ZYG11A: variants seen among roughly 807,000 people sequenced by gnomAD.
ZYG11A encodes the protein protein zyg-11 homolog A.
A neutral mutation model predicts 77.2 loss-of-function variants in ZYG11A; 62 were observed. The ratio of observed to expected loss-of-function variants is 0.80; its 90% CI spans 0.65 to 0.99. The LOEUF is 0.99. Ranked by LOEUF, ZYG11A falls within the 50% of genes least tolerant of loss-of-function variation. The pLI is 0.00. For synonymous variants in ZYG11A, 315 were observed against 324.6 expected (o/e 0.97, Z 0.32); for missense variants, 828 against 896.8 (o/e 0.92, Z 0.98).
chr1:52,871,128 A>C (rs1238834723), intron 8 of ZYG11A, among the ~76,000 whole-genome samples: 3 of 152,130 alleles, frequency 2.0e-5, no homozygotes, highest in Non-Finnish European at 4.4e-5. Flanking sequence ...GTATTTTTAA[A>C]AAATTCTTTG....
chr1:52,889,926 G>A (rs956961876), intron 13 of ZYG11A, among the ~76,000 whole-genome samples: 2 of 151,536 alleles, frequency 1.3e-5, no homozygotes, highest in Non-Finnish European at 2.9e-5. Flanking sequence ...TGTTAGCCAG[G>A]ATGGTCTCGA....
intron 10 of ZYG11A, chr1:52,881,252 C>T (rs1646357027): frequency 4.8e-6 from 2 of 414,746 alleles, no homozygotes; most frequent in Admixed American, 4.0e-5. Context: ...TAGTACTGTG[C>T]CTGGCACTTA....
chr1:52,889,718 T>G (rs199946165), intron 13 of ZYG11A, among the ~76,000 whole-genome samples: 1 of 150,056 alleles, frequency 6.7e-6, no homozygotes. Context: ...ATACCATTTT[T>G]TTTTTTTTTT....
chr1:52,890,264 T>TC (rs1404669991), intron 13 of ZYG11A, among the ~76,000 whole-genome samples: 1 of 140,128 alleles, frequency 7.1e-6, no homozygotes, highest in Non-Finnish European at 1.5e-5. Context: ...TTTTTTTTTT[T>TC]TTTTTTTTTG....
intron 8 of ZYG11A, among the ~76,000 whole-genome samples, chr1:52,874,759 C>T (rs1325116376): frequency 6.6e-6 from 1 of 151,952 alleles, no homozygotes; most frequent in Non-Finnish European, 1.5e-5. Flanking sequence ...CTCAGCTACT[C>T]GGGAGGCTGA....
intron 8 of ZYG11A, among the ~76,000 whole-genome samples, chr1:52,869,212 A>AT (rs34681867): frequency 0.49 from 35,942 of 73,612 alleles, 9,326 homozygotes; most frequent in Non-Finnish European, 0.57. Context: ...ACTTTATAGG[A>AT]TTTTTTTTTT....
At chr1:52,886,057 C>T (rs564800855) in intron 12 of ZYG11A, among the ~76,000 whole-genome samples, 163 bp downstream of exon 12, 159 of 152,208 alleles carry the variant, frequency 1.0e-3, no homozygotes, top group African/African-American at 3.5e-3. Context: ...CTCAGCCTCC[C>T]GAGTAGCTGG....
In ZYG11A at chr1:52,866,036, C is replaced by A. The variant is rs1407196562; in HGVS notation, c.1327-467C>A. ...CACTGCAAGCTCCGCCTCCCGGGTT[C>A]ATGCCATTCTCCTGCCTCAGCCTCC... On this transcript the variant is annotated intron_variant, in intron 5 of 13. Transcript: ENST00000371528. 7.5e-5 allele frequency among the ~76,000 whole-genome samples: 11 copies of A among 147,062 alleles called. No homozygotes were observed. In the Admixed American group the frequency reaches 7.7e-4, roughly 10 times the overall value.
intron 5 of ZYG11A, 70 bp downstream of exon 5, chr1:52,864,227 C>A: frequency 7.0e-7 from 1 of 1,432,282 alleles, no homozygotes. Context: ...GTTGCCCAGG[C>A]CAGAGTGCCG....
At chr1:52,867,683 A>G (rs1200557398) in intron 7 of ZYG11A, 44 bp from the exon 8 acceptor site, 4 of 1,550,860 alleles carry the variant, frequency 2.6e-6, no homozygotes, top group Middle Eastern at 1.7e-4. Flanking sequence ...TCTAGTTTTT[A>G]TACAGGTTCC....
In ZYG11A at chr1:52,872,527, C is replaced by T. The variant is rs1267824580; in HGVS notation, c.1542+4750C>T. ...GTTATACGATATCCATTCTGCAGCCCATAGATCAGGGAGTAATTTATTAAT... is the reference window on the plus strand; with the variant it reads ...GTTATACGATATCCATTCTGCAGCCTATAGATCAGGGAGTAATTTATTAAT... On this transcript the variant is annotated intron_variant, in intron 8 of 13. Coordinates refer to ENST00000371528, the MANE Select transcript of ZYG11A (RefSeq NM_001004339.3). Among the ~76,000 whole-genome samples the T allele has an allele frequency of 5.3e-5, 8 of 151,794 alleles. No homozygotes were observed. The East Asian group carries it at 1.5e-3, about 29-fold the overall frequency.
In ZYG11A at chr1:52,857,218, G is replaced by A; in HGVS notation, c.477G>A (p.Gln159=). The change falls in exon 3 of 14, where the codon CAG becomes CAA. Residue 159 remains glutamine, a synonymous_variant. Transcript: ENST00000371528. ...ATAGGTGGATCCAGCAAAACCTCCA[G>A]TGTCTCCTGTTAGACTCGACAAGCA... ...CSNRWIQQNL[Q]CLLLDSTSIP... is the part of the protein sequence containing the mutation. The A allele has an allele frequency of 6.4e-7, 1 of 1,552,228 alleles. No homozygotes were observed. The highest frequency in any genetic ancestry group is 8.7e-7 in the Non-Finnish European group (1 of 1,147,132).
intron 8 of ZYG11A, among the ~76,000 whole-genome samples, chr1:52,871,354 C>T (rs773454964): frequency 1.3e-5 from 2 of 151,878 alleles, no homozygotes; most frequent in Non-Finnish European, 2.9e-5. Context: ...GATGTTGGGT[C>T]GTTCAAGTTT....
Position 52,894,192 on chromosome 1 carries a change from G to A in ZYG11A, c.*1235G>A, listed in dbSNP as rs1296780106. The A allele has an allele frequency of 1.3e-5, 2 of 152,148 alleles. No individual in the cohort carries two copies. The highest frequency in any genetic ancestry group is 2.4e-5 in the African/African-American group (1 of 41,426). The allele number at this position is 152,148 out of a possible 1,614,324, so 9.4% of individuals were successfully genotyped here. On this transcript the variant is annotated 3_prime_UTR_variant, in exon 14 of 14. Coordinates refer to ENST00000371528, the MANE Select transcript of ZYG11A (RefSeq NM_001004339.3). ...TGCTGTGTATGTGAGTGAGCTTGTA[G>A]GGCGTGGTGGGACTTAGGCATTTGC...
intron 8 of ZYG11A, among the ~76,000 whole-genome samples, chr1:52,868,856 G>T (rs1271409870): frequency 2.6e-5 from 4 of 152,032 alleles, no homozygotes; most frequent in Non-Finnish European, 5.9e-5. Flanking sequence ...TTTATTATAT[G>T]AATTTTTTTT....
intron 8 of ZYG11A, among the ~76,000 whole-genome samples, chr1:52,869,882 G>A (rs1388925497): frequency 2.8e-4 from 41 of 146,726 alleles, no homozygotes; most frequent in Non-Finnish European, 5.4e-4. Context: ...CCTCCCTCCC[G>A]GACGGGGCGG....
intron 1 of ZYG11A, 98 bp downstream of exon 1, chr1:52,843,071 G>A: frequency 9.3e-7 from 1 of 1,077,606 alleles, no homozygotes; most frequent in Non-Finnish European, 1.3e-6. Flanking sequence ...GGCACTTGCT[G>A]GGGAGTGTGG....
At position 52,859,668 on chromosome 1, in the gene ZYG11A, T is replaced by TATACTA. The variant is rs1491444045; in HGVS notation, c.1009-1063_1009-1062insATACTA. Among the ~76,000 whole-genome samples the TATACTA allele has an allele frequency of 2.1e-4, 5 of 23,512 alleles. 2 individuals are homozygous for TATACTA. Among genetic ancestry groups the TATACTA allele is most frequent in the African/African-American group, 1.1e-3 (5 of 4,372 alleles). 15.4% of individuals were successfully genotyped at this position (23,512 alleles called of 152,430 possible). A position where few individuals can be genotyped will look rare whatever the true frequency, so the allele number is the denominator to read the frequency against. ...TATTTTTATCTGTTTGTGTATTGCCTTTTTTTTTTTTTTTTTTTTTTTTTT... is the reference window on the plus strand; with the variant it reads ...TATTTTTATCTGTTTGTGTATTGCCTATACTATTTTTTTTTTTTTTTTTTTTTTTTT... On this transcript the variant is annotated intron_variant, in intron 3 of 13. Transcript: ENST00000371528.
chr1:52,863,751 A>C (rs1478646771), intron 4 of ZYG11A, among the ~76,000 whole-genome samples: 1 of 152,210 alleles, frequency 6.6e-6, no homozygotes, highest in Non-Finnish European at 1.5e-5. Flanking sequence ...AAAGAAATAG[A>C]GGTCTAGAGA....
Sources: gnomAD v4.1 joint callset for allele counts (sites outside exome capture counted in the v4.1 genomes callset) on GRCh38, gnomAD v4.1.1 for gene constraint, MANE v1.5 for transcripts, NCBI Gene and HGNC (gene_info 2026-07-23, HGNC 2026-07-21) for gene names.